Variants in ADSS1 observed in about 807,000 individuals in gnomAD.
ADSS1 encodes the protein adenylosuccinate synthase 1.
A neutral mutation model predicts 59.1 loss-of-function variants in ADSS1; 57 were observed. That is an observed-to-expected ratio of 0.97 (90% CI 0.78 to 1.20). The LOEUF is 1.20. Among genes scored for constraint, ADSS1 ranks in the 50% most tolerant of loss-of-function variants. The pLI, the probability that ADSS1 is intolerant of heterozygous loss-of-function variation, is 0.00. For missense variants in ADSS1, 603 were observed against 610.3 expected (o/e 0.99, Z 0.13); for synonymous variants, 247 against 249.4 (o/e 0.99, Z 0.09).
Position 104,740,644 on chromosome 14 carries a change from A to G in ADSS1, c.520A>G (p.Lys174Glu), listed in dbSNP as rs1280022500. 1.2e-6 allele frequency: 2 copies of G among 1,613,572 alleles called. No individual in the cohort carries two copies. The highest frequency in any genetic ancestry group is 2.7e-5 in the African/African-American group (2 of 74,752). Reference protein sequence around the residue: ...KKGIGPTYSSKAARTGLRICD... With the variant: ...KKGIGPTYSSEAARTGLRICD... Reference sequence around the variant, plus strand: ...GGGAATCGGACCAACCTACTCTTCCAAAGCTGCCCGGACAGGCCTCCGCAT... The same window carrying G: ...GGGAATCGGACCAACCTACTCTTCCGAAGCTGCCCGGACAGGCCTCCGCAT... The change falls in exon 6 of 13, where the codon AAA (lysine) becomes GAA (glutamate). Residue 174 changes from lysine (K) to glutamate (E), a missense_variant. Coordinates refer to ENST00000330877, the MANE Select transcript of ADSS1 (RefSeq NM_152328.5). The surrounding 1 kb of genome is among the most constrained non-coding windows in gnomAD (Gnocchi z 4.8).
Position 104,741,956 on chromosome 14 carries a change from A to G in ADSS1, c.902A>G (p.Tyr301Cys). ...GACGTGTATGGCGTGGTGAAAGCCT[A>G]TACCACACGTGTGGGCATCGGGGCC... Reference protein sequence around the residue: ...IGDVYGVVKAYTTRVGIGAFP... With the variant: ...IGDVYGVVKACTTRVGIGAFP... Residue 301 changes from tyrosine to cysteine, a missense_variant, in exon 9 of 13, where the codon TAT becomes TGT. Transcript: ENST00000330877. 11 of 1,613,318 alleles carry G rather than the reference A, an allele frequency of 6.8e-6. No homozygotes were observed. Among genetic ancestry groups the G allele is most frequent in the Middle Eastern group, 1.6e-4 (1 of 6,062 alleles).
At chr14:104,725,849 G>A (rs1376972650) in intron 1 of ADSS1, among the ~76,000 whole-genome samples, 1 of 152,180 alleles carries the variant, frequency 6.6e-6, no homozygotes, top group Non-Finnish European at 1.5e-5. Context: ...CCTATGAGCT[G>A]CCAGCTCTGG....
At chr14:104,727,551 G>T (rs924683645) in intron 1 of ADSS1, among the ~76,000 whole-genome samples, 2 of 152,128 alleles carry the variant, frequency 1.3e-5, no homozygotes, top group African/African-American at 4.8e-5. Flanking sequence ...GGGGTCCTGT[G>T]TTCCCTCTCT....
rs907118371 is a variant in ADSS1 at position 104,740,055 on chromosome 14, C to G, written c.476+239C>G. On this transcript the variant is annotated intron_variant, in intron 5 of 12. Transcript: ENST00000330877. The surrounding 1 kb of genome is among the most constrained non-coding windows in gnomAD (Gnocchi z 4.8). Reference sequence around the variant, plus strand: ...GCTGCCACTGCCACGCGGCTCCCCCCAGGAGTGCATAAGCCCTACCGTCAC... The same window carrying G: ...GCTGCCACTGCCACGCGGCTCCCCCGAGGAGTGCATAAGCCCTACCGTCAC... Among the ~76,000 whole-genome samples the G allele has an allele frequency of 1.3e-5, 2 of 152,204 alleles. No homozygotes were observed. Among genetic ancestry groups the G allele is most frequent in the South Asian group, 2.1e-4 (1 of 4,832 alleles).
intron 1 of ADSS1, among the ~76,000 whole-genome samples, chr14:104,724,770 C>A (rs981483681): frequency 6.6e-5 from 10 of 152,132 alleles, no homozygotes; most frequent in Admixed American, 5.9e-4. Context: ...TGGCGCATGC[C>A]ATGGGTGTGA....
chr14:104,735,205 C>A, intron 2 of ADSS1, 83 bp downstream of exon 2: 1 of 1,279,502 alleles, frequency 7.8e-7, no homozygotes, highest in Non-Finnish European at 1.1e-6. Context: ...GGGCACGGGG[C>A]ACCAGAGCCT....
In ADSS1 at chr14:104,731,379, ACTGT is replaced by A. The variant is rs367693374; in HGVS notation, c.193-3639_193-3636del. Among the ~76,000 whole-genome samples the A allele has an allele frequency of 2.6e-5, 4 of 152,286 alleles. No individual in the cohort carries two copies. In the East Asian group the frequency reaches 7.7e-4, roughly 29 times the overall value. On this transcript the variant is annotated intron_variant, in intron 1 of 12. Transcript: ENST00000330877. ...AGTTGTGCAGTGTGCAACATGGGTG[ACTGT>A]CCATGGCAGCTCACAGCATGTGGCT...
intron 10 of ADSS1, 135 bp from the exon 11 acceptor site, chr14:104,744,677 C>A: frequency 1.3e-6 from 1 of 741,344 alleles, no homozygotes; most frequent in Non-Finnish European, 2.3e-6. Context: ...AGGCCACCAA[C>A]CAGTACTGGT....
Position 104,740,728 on chromosome 14 carries a change from T to TC in ADSS1, c.584+24dup, listed in dbSNP as rs771131106. The TC allele has an allele frequency of 6.2e-7, 1 of 1,613,418 alleles. No individual in the cohort carries two copies. The highest frequency in any genetic ancestry group is 1.1e-5 in the South Asian group (1 of 91,056). On this transcript the variant is annotated intron_variant, in intron 6 of 12. Transcript: ENST00000330877. This position sits in a 1 kb window ranked among gnomAD's most constrained non-coding sequence, Gnocchi z 4.8. Reference sequence around the variant, plus strand: ...CTCCAGGTACCTGAGCCGTCTGCAGTCCCCGGGGAGGATGGGGAGAAGTTG... The same window carrying TC: ...CTCCAGGTACCTGAGCCGTCTGCAGTCCCCCGGGGAGGATGGGGAGAAGTTG...
chr14:104,740,353 G>A lies in ADSS1; in HGVS notation c.477-248G>A, dbSNP rs146492744. 3.7e-3 allele frequency among the ~76,000 whole-genome samples: 562 copies of A among 151,868 alleles called. 7 individuals are homozygous for A. The highest frequency in any genetic ancestry group is 0.012 in the African/African-American group (511 of 41,334). ...CACAAGCCCACACACCCACGCAAAT[G>A]CACAAAAGTACACACAGCCACACAT... On this transcript the variant is annotated intron_variant, in intron 5 of 12. Coordinates refer to ENST00000330877, the MANE Select transcript of ADSS1 (RefSeq NM_152328.5). This position sits in a 1 kb window ranked among gnomAD's most constrained non-coding sequence, Gnocchi z 4.8.
intron 1 of ADSS1, among the ~76,000 whole-genome samples, chr14:104,725,664 G>A (rs1890698045): frequency 6.6e-6 from 1 of 152,178 alleles, no homozygotes; most frequent in South Asian, 2.1e-4. Flanking sequence ...CCTAGAGGTG[G>A]TCCTCAGCCC....
At chr14:104,739,868 C>G in intron 5 of ADSS1, 52 bp downstream of exon 5, 1 of 1,591,456 alleles carries the variant, frequency 6.3e-7, no homozygotes, top group Non-Finnish European at 8.6e-7. Flanking sequence ...GGCCCGTAAG[C>G]CGGTAGACTG....
At chr14:104,738,218 G>C in intron 2 of ADSS1, 158 bp from the exon 3 acceptor site, 1 of 593,192 alleles carries the variant, frequency 1.7e-6, no homozygotes, top group Non-Finnish European at 2.9e-6. Flanking sequence ...GGCTGGTTTC[G>C]AACTCCTGAC....
In ADSS1 at chr14:104,740,805, T is replaced by C; in HGVS notation, c.585-34T>C. ...GGGCCCTGAGGACCAGCATGGACCA[T>C]GACAGGGGGTGATGATGACTGTCCC... On this transcript the variant is annotated intron_variant, in intron 6 of 12. Coordinates refer to ENST00000330877, the MANE Select transcript of ADSS1 (RefSeq NM_152328.5). The surrounding 1 kb of genome is among the most constrained non-coding windows in gnomAD (Gnocchi z 4.8). 4.3e-6 allele frequency: 7 copies of C among 1,612,642 alleles called. No individual in the cohort carries two copies. The highest frequency in any genetic ancestry group is 5.9e-6 in the Non-Finnish European group (7 of 1,179,564).
chr14:104,726,585 G>A (rs1890724375), intron 1 of ADSS1, among the ~76,000 whole-genome samples: 1 of 152,208 alleles, frequency 6.6e-6, no homozygotes, highest in African/African-American at 2.4e-5. Flanking sequence ...CATGTCGTCA[G>A]AGGCTGGCAG....
Position 104,740,142 on chromosome 14 carries a change from A to C in ADSS1, c.476+326A>C, listed in dbSNP as rs1891288594. Among the ~76,000 whole-genome samples, 1 of 152,054 alleles carries C rather than the reference A, an allele frequency of 6.6e-6. No individual in the cohort carries two copies. Among genetic ancestry groups the C allele is most frequent in the Admixed American group, 6.5e-5 (1 of 15,270 alleles). On this transcript the variant is annotated intron_variant, in intron 5 of 12. Coordinates refer to ENST00000330877, the MANE Select transcript of ADSS1 (RefSeq NM_152328.5). This position sits in a 1 kb window ranked among gnomAD's most constrained non-coding sequence, Gnocchi z 4.8. ...CCCAGGGAAGACACGAGGAACACTA[A>C]AGCAGTTTAGTAGAACCTCAGATGT... is the stretch of plus-strand genomic sequence containing the variant.
rs746600095 is a variant in ADSS1, at chr14:104,743,029, A to G, written c.949-38A>G. ...CAGGGCCAGGCTGCACAAGGCTCCC[A>G]CGACAGCTCACATGACGTCCTCCCT... is the stretch of plus-strand genomic sequence containing the variant. On this transcript the variant is annotated intron_variant, in intron 9 of 12. Coordinates refer to ENST00000330877, the MANE Select transcript of ADSS1 (RefSeq NM_152328.5). 3.1e-6 allele frequency: 5 copies of G among 1,610,536 alleles called. No individual in the cohort carries two copies. In the African/African-American group the frequency reaches 6.7e-5, roughly 22 times the overall value.
intron 1 of ADSS1, among the ~76,000 whole-genome samples, chr14:104,725,221 TCTGA>T (rs1252567939): frequency 6.6e-6 from 1 of 152,040 alleles, no homozygotes; most frequent in African/African-American, 2.4e-5. Context: ...CCCCATCTGT[TCTGA>T]CTGAGCTGCA....
At chr14:104,744,696 C>T in intron 10 of ADSS1, 116 bp from the exon 11 acceptor site, 1 of 939,066 alleles carries the variant, frequency 1.1e-6, no homozygotes, top group Non-Finnish European at 1.7e-6. Context: ...GTCCACAGCC[C>T]AGGGACTGGG....
Sources: gnomAD v4.1 joint callset for allele counts (sites outside exome capture counted in the v4.1 genomes callset) on GRCh38, gnomAD v4.1.1 for gene constraint, Gnocchi (gnomAD v3.1) non-coding constraint, MANE v1.5 for transcripts, NCBI Gene and HGNC (gene_info 2026-07-23, HGNC 2026-07-21) for gene names.